DNAH1: variants seen among roughly 807,000 people sequenced by gnomAD.
DNAH1 encodes the protein dynein axonemal heavy chain 1.
In DNAH1, 327 loss-of-function variants were observed where a neutral mutation model predicts 484.3. The ratio of observed to expected loss-of-function variants is 0.68; its 90% CI spans 0.62 to 0.74. The LOEUF (loss-of-function observed/expected upper bound fraction) is 0.74, where lower values mean the gene tolerates loss of function less well. Ranked by LOEUF, DNAH1 falls within the 30% of genes least tolerant of loss-of-function variation. DNAH1 has a pLI of 0.00. For synonymous variants in DNAH1, 2,192 were observed against 2,191.9 expected (o/e 1.00, Z 0.00); for missense variants, 5,052 against 5,546.8 (o/e 0.91, Z 2.83).
Position 52,350,511 on chromosome 3 carries a change from C to G in DNAH1, c.2650C>G (p.Arg884Gly). Residue 884 changes from arginine (R) to glycine (G), a missense_variant, in exon 16 of 78, where the codon CGG (arginine) becomes GGG (glycine). By Grantham distance (125) the Arg-to-Gly change is moderately radical. Around this residue, in one of 4 missense-constraint regions of DNAH1, gnomAD observed 1,263 missense variants for 1,218.8 expected, o/e 1.04. Transcript: ENST00000420323. ...TCATTACCACCTGTCTGTGCAGGAG[C>G]GGATTGTGAAGGTCATGGATGACTA... The part of the protein sequence containing the change: ...IPERLVGLEE[R>G]IVKVMDDYQV... The G allele has an allele frequency of 6.2e-7, 1 of 1,613,802 alleles. No individual in the cohort carries two copies. Among genetic ancestry groups the G allele is most frequent in the Non-Finnish European group, 8.5e-7 (1 of 1,179,780 alleles).
chr3:52,369,938 C>G lies in DNAH1; in HGVS notation c.6057C>G (p.Ile2019Met). 1 of 1,613,992 alleles carries G rather than the reference C, an allele frequency of 6.2e-7. No individual in the cohort carries two copies. The highest frequency in any genetic ancestry group is 1.3e-5 in the African/African-American group (1 of 75,066). Residue 2019 changes from isoleucine to methionine, a missense_variant, in exon 38 of 78, where the codon ATC becomes ATG. Ile to Met is a conservative substitution (Grantham distance 10). Around this residue, in one of 4 missense-constraint regions of DNAH1, gnomAD observed 2,929 missense variants for 3,409.4 expected, o/e 0.86. Transcript: ENST00000420323. The stretch of plus-strand genomic sequence containing the variant: ...GCATCCTGGGGCTCATGCCCTTCAT[C>G]GAGTGCTGGCTGAGGAAGCTGCCTC... ...EPSILGLMPF[I>M]ECWLRKLPPL...
Position 52,379,940 on chromosome 3 carries a change from G to A in DNAH1, c.7413G>A (p.Glu2471=), listed in dbSNP as rs776777330. 1.9e-6 allele frequency: 3 copies of A among 1,575,376 alleles called. No individual in the cohort carries two copies. The South Asian group carries it at 3.5e-5, about 18-fold the overall frequency. The change falls in exon 48 of 78, where the codon GAG becomes GAA. Residue 2471 remains glutamate, a synonymous_variant. Transcript: ENST00000420323. The surrounding 1 kb of genome is among the most constrained non-coding windows in gnomAD (Gnocchi z 4.4). The part of the protein sequence containing the change: ...QVQLLRLWYH[E]NCRVFRDRLV... ...AGCTGCTGCGACTGTGGTATCACGAGAACTGCCGCGTGTTCCGGGACCGAC... is the reference window on the plus strand; with the variant it reads ...AGCTGCTGCGACTGTGGTATCACGAAAACTGCCGCGTGTTCCGGGACCGAC...
chr3:52,335,036 G>A (rs1317692750), intron 8 of DNAH1, among the ~76,000 whole-genome samples: 2 of 151,260 alleles, frequency 1.3e-5, no homozygotes, highest in South Asian at 2.1e-4. Flanking sequence ...TCCTGACCTC[G>A]TGATCCACCT....
chr3:52,353,004 C>G lies in DNAH1; in HGVS notation c.3028-99C>G. The G allele has an allele frequency of 3.2e-6, 4 of 1,249,916 alleles. No homozygotes were observed. The highest frequency in any genetic ancestry group is 4.4e-6 in the Non-Finnish European group (4 of 911,078). The allele number at this position is 1,249,916 out of a possible 1,614,324, so 77.4% of individuals were successfully genotyped here. A position where few individuals can be genotyped will look rare whatever the true frequency, so the allele number is the denominator to read the frequency against. Reference sequence around the variant, plus strand: ...CACGGTCAGGGACATCAGCCAGGAGCAAGGGAGAGGGAGAGGACCTGGCCC... The same window carrying G: ...CACGGTCAGGGACATCAGCCAGGAGGAAGGGAGAGGGAGAGGACCTGGCCC... On this transcript the variant is annotated intron_variant, in intron 18 of 77. Coordinates refer to ENST00000420323, the MANE Select transcript of DNAH1 (RefSeq NM_015512.5). This position sits in a 1 kb window ranked among gnomAD's most constrained non-coding sequence, Gnocchi z 5.0.
rs1703830401 is a variant in DNAH1, at chr3:52,381,226, G to A, written c.7609-414G>A. 6.6e-6 allele frequency among the ~76,000 whole-genome samples: 1 copy of A among 152,160 alleles called. No individual in the cohort carries two copies. Among genetic ancestry groups the A allele is most frequent in the African/African-American group, 2.4e-5 (1 of 41,426 alleles). On this transcript the variant is annotated intron_variant, in intron 48 of 77. Transcript: ENST00000420323. This position sits in a 1 kb window ranked among gnomAD's most constrained non-coding sequence, Gnocchi z 4.1. ...ATCAGTCGTCCCACCTCAGCGTCCT[G>A]AGTAGCTGGGACCACAGGCACGCAC... is the stretch of plus-strand genomic sequence containing the variant.
At position 52,349,312 on chromosome 3, in the gene DNAH1, C is replaced by T. The variant is rs1196560352; in HGVS notation, c.2418C>T (p.Phe806=). The part of the protein sequence containing the change: ...SLPSSIIIGP[F]YINTDNVKQS... ...CCAGCAGCATCATCATTGGGCCTTT[C>T]TACATCAACACCGACAATGTCAAGC... is the stretch of plus-strand genomic sequence containing the variant. Residue 806 remains phenylalanine, a synonymous_variant, in exon 14 of 78, where the codon TTC becomes TTT. Coordinates refer to ENST00000420323, the MANE Select transcript of DNAH1 (RefSeq NM_015512.5). 17 of 1,613,884 alleles carry T rather than the reference C, an allele frequency of 1.1e-5. 1 individual carries two copies. The African/African-American group carries it at 1.7e-4, about 16-fold the overall frequency.
At position 52,388,543 on chromosome 3, in the gene DNAH1, T is replaced by C. The variant is rs1376545915; in HGVS notation, c.9297T>C (p.Ile3099=). ...ATMQAKYREC[I]TKKEELELKC... ...TGCAGGCTAAGTACCGGGAATGCAT[T>C]ACCAAGAAGGAGGAGCTGGAGCTGA... The change falls in exon 58 of 78, where the codon ATT becomes ATC. Residue 3099 remains isoleucine (I), a synonymous_variant. Coordinates refer to ENST00000420323, the MANE Select transcript of DNAH1 (RefSeq NM_015512.5). 1.9e-6 allele frequency: 3 copies of C among 1,612,990 alleles called. No homozygotes were observed. In the African/African-American group the frequency reaches 4.0e-5, roughly 22 times the overall value.
intron 52 of DNAH1, 135 bp downstream of exon 52, chr3:52,384,166 G>T: frequency 3.1e-6 from 3 of 957,316 alleles, no homozygotes. Context: ...TGTGTTTCCT[G>T]TCTAAGCCTC....
chr3:52,326,976 G>T, intron 5 of DNAH1, 85 bp downstream of exon 5: 1 of 1,472,174 alleles, frequency 6.8e-7, no homozygotes, highest in Admixed American at 2.2e-5. Context: ...ATCTGAAAGG[G>T]GATTCCCCCA....
In DNAH1 at chr3:52,385,402, G is replaced by A. The variant is rs1174223122; in HGVS notation, c.8580G>A (p.Leu2860=). The A allele has an allele frequency of 6.4e-7, 1 of 1,552,768 alleles. No individual in the cohort carries two copies. Among genetic ancestry groups the A allele is most frequent in the East Asian group, 2.4e-5 (1 of 40,964 alleles). ...ACCTGGAGAGTATGCACCCCCTGCT[G>A]GAGGAGGCTGCCAAGGACACCATGC... ...QEDLESMHPL[L]EEAAKDTMLT... The change falls in exon 54 of 78, where the codon CTG becomes CTA. Residue 2860 remains leucine (L), a synonymous_variant. Coordinates refer to ENST00000420323, the MANE Select transcript of DNAH1 (RefSeq NM_015512.5).
rs377314046 is a variant in DNAH1, at chr3:52,398,793, T to C, written c.12090-57T>C. The C allele has an allele frequency of 2.3e-5, 32 of 1,389,266 alleles. 1 individual carries two copies. In the African/African-American group the frequency reaches 2.3e-4, roughly 10 times the overall value. The allele number at this position is 1,389,266 out of a possible 1,614,324, so 86.1% of individuals were successfully genotyped here. A position where few individuals can be genotyped will look rare whatever the true frequency, so the allele number is the denominator to read the frequency against. The stretch of plus-strand genomic sequence containing the variant: ...CTCTGTGGCCTTGAGCTGCGGAGCA[T>C]AGCTACTGCCACGTGACCCCAGCCC... On this transcript the variant is annotated intron_variant, in intron 75 of 77. Transcript: ENST00000420323.
At position 52,367,372 on chromosome 3, in the gene DNAH1, T is replaced by G. The variant is rs1703129767; in HGVS notation, c.5765+485T>G. ...TCTCTGCTGGGGGTGTCTGCTTGGC[T>G]CCAGTGTTCTGGGAGCCCTGTAGGG... On this transcript the variant is annotated intron_variant, in intron 36 of 77. Transcript: ENST00000420323. Among the ~76,000 whole-genome samples the G allele has an allele frequency of 3.9e-5, 6 of 152,054 alleles. No homozygotes were observed. In the South Asian group the frequency reaches 1.0e-3, roughly 26 times the overall value.
rs1188559429 is a variant in DNAH1, at chr3:52,395,042, C to T, written c.10951C>T (p.Arg3651Cys). The change falls in exon 68 of 78, where the codon CGC (arginine) becomes TGC (cysteine). Residue 3651 changes from arginine (R) to cysteine (C), a missense_variant. Physicochemically the swap from Arg to Cys is radical, Grantham distance 180. Coordinates refer to ENST00000420323, the MANE Select transcript of DNAH1 (RefSeq NM_015512.5). The surrounding 1 kb of genome is among the most constrained non-coding windows in gnomAD (Gnocchi z 4.4). ...CTTTGTGGCCACCAACCTGGAGCCA[C>T]GCTTCATTGAACCCCAGGCAAGTGC... ...QDFVATNLEPRFIEPQTANLS... is the reference protein window; with the variant it reads ...QDFVATNLEPCFIEPQTANLS... The T allele has an allele frequency of 1.6e-5, 26 of 1,609,714 alleles. No homozygotes were observed. Among genetic ancestry groups the T allele is most frequent in the South Asian group, 3.3e-5 (3 of 90,052 alleles).
At position 52,382,437 on chromosome 3, in the gene DNAH1, C is replaced by T. The variant is rs372331607; in HGVS notation, c.7923C>T (p.Phe2641=). The stretch of plus-strand genomic sequence containing the variant: ...GCCTACAGAACCTACCCATCACCTT[C>T]CTCTTCTCAGACACCCAGGTGCCAC... ...KAGLQNLPIT[F]LFSDTQIKNE... The change falls in exon 50 of 78, where the codon TTC becomes TTT. Residue 2641 remains phenylalanine, a synonymous_variant. Coordinates refer to ENST00000420323, the MANE Select transcript of DNAH1 (RefSeq NM_015512.5). The T allele has an allele frequency of 8.3e-4, 1,338 of 1,613,814 alleles. No individual in the cohort carries two copies. The highest frequency in any genetic ancestry group is 1.1e-3 in the Non-Finnish European group (1,268 of 1,179,842).
intron 60 of DNAH1, 134 bp downstream of exon 60, chr3:52,389,720 G>A: frequency 9.3e-7 from 1 of 1,076,526 alleles, no homozygotes; most frequent in East Asian, 3.3e-5. Context: ...ACCCTCCTGT[G>A]CCCAGCAAGA....
At chr3:52,394,226 C>T (rs888774365) in intron 66 of DNAH1, among the ~76,000 whole-genome samples, 1 of 152,220 alleles carries the variant, frequency 6.6e-6, no homozygotes, top group African/African-American at 2.4e-5. Flanking sequence ...CCTTCTGATT[C>T]TTTCTACTCC....
At position 52,361,413 on chromosome 3, in the gene DNAH1, G is replaced by A. The variant is rs1362185637; in HGVS notation, c.4874+61G>A. On this transcript the variant is annotated intron_variant, in intron 29 of 77. Transcript: ENST00000420323. The surrounding 1 kb of genome is among the most constrained non-coding windows in gnomAD (Gnocchi z 5.6). ...GGGACAGCCTAGCTCTCCTTGGGGA[G>A]GGCTAGGTGAGGGCAGTGCCTGAGA... is the stretch of plus-strand genomic sequence containing the variant. The A allele has an allele frequency of 1.4e-6, 2 of 1,480,246 alleles. No individual in the cohort carries two copies. The highest frequency in any genetic ancestry group is 1.8e-6 in the Non-Finnish European group (2 of 1,108,646). 91.7% of individuals were successfully genotyped at this position (1,480,246 alleles called of 1,614,324 possible).
intron 8 of DNAH1, among the ~76,000 whole-genome samples, chr3:52,337,824 C>G (rs184793846): frequency 4.6e-5 from 7 of 152,266 alleles, no homozygotes; most frequent in African/African-American, 1.7e-4. Context: ...CAGGGTCTTG[C>G]TCTGTCACCC....
chr3:52,381,841 G>A lies in DNAH1; in HGVS notation c.7805+5G>A, dbSNP rs766196696. 6.3e-7 allele frequency: 1 copy of A among 1,575,610 alleles called. No homozygotes were observed. The highest frequency in any genetic ancestry group is 1.8e-5 in the Admixed American group (1 of 55,330). On this transcript the variant is annotated splice_donor_5th_base_variant and intron_variant, in intron 49 of 77. Transcript: ENST00000420323. This position sits in a 1 kb window ranked among gnomAD's most constrained non-coding sequence, Gnocchi z 4.1. The stretch of plus-strand genomic sequence containing the variant: ...CACAAGGCTCGCCTCGCACATGTGA[G>A]CGCCTCCAGGGCGTGCTGGGCAGTG...
Sources: allele counts gnomAD v4.1 joint callset (sites outside exome capture counted in the v4.1 genomes callset), GRCh38; gene constraint gnomAD v4.1.1; regional missense constraint gnomAD v4.1.1; non-coding constraint Gnocchi (gnomAD v3.1); transcripts MANE v1.5; gene names NCBI Gene and HGNC (gene_info 2026-07-23, HGNC 2026-07-21).